The following AGAP1 variants were observed in gnomAD, a reference collection of about 807,000 sequenced individuals.
AGAP1 encodes arf-GAP with GTPase, ANK repeat and PH domain-containing protein 1.
Under a neutral mutation model 105.3 loss-of-function variants are expected in AGAP1, and 29 were observed. The ratio of observed to expected loss-of-function variants is 0.28; its 90% CI spans 0.21 to 0.38. The LOEUF (loss-of-function observed/expected upper bound fraction) is 0.38. Ranked by LOEUF, AGAP1 falls within the 10% of genes least tolerant of loss-of-function variation. The probability of loss-of-function intolerance (pLI) is 1.00; values close to 1 mark genes in which losing one functional copy is unlikely to be tolerated. For synonymous variants in AGAP1, 509 were observed against 485.9 expected, an observed-to-expected ratio of 1.05 and a Z score of -0.63; for missense variants, 998 against 1,165.1, an observed-to-expected ratio of 0.86 and a Z score of 2.09.
At chr2:235,814,644 C>T (rs1163391825) in intron 9 of AGAP1, among the ~76,000 whole-genome samples, 1 of 152,072 alleles carries the variant, frequency 6.6e-6, no homozygotes, top group African/African-American at 2.4e-5. Flanking sequence ...GGACGGGTGT[C>T]ACGCCAAGGA....
At position 235,800,579 on chromosome 2, in the gene AGAP1, G is replaced by A. The variant is rs115667191; in HGVS notation, c.957+1057G>A. On this transcript the variant is annotated intron_variant, in intron 8 of 17. Transcript: ENST00000304032. ...CAGGCACAGCTGCTGTCAGGTGACT[G>A]AAGCATTTGGACTTGAGAAGAACGC... Among the ~76,000 whole-genome samples, 1,515 of 152,314 alleles carry A rather than the reference G, an allele frequency of 9.9e-3. 27 individuals are homozygous for A. The highest frequency in any genetic ancestry group is 0.011 in the Non-Finnish European group (739 of 68,038).
In AGAP1 at chr2:235,957,227, A is replaced by G. The variant is rs1034866818; in HGVS notation, c.1484-11235A>G. On this transcript the variant is annotated intron_variant, in intron 12 of 17. Transcript: ENST00000304032. This position sits in a 1 kb window ranked among gnomAD's most constrained non-coding sequence, Gnocchi z 4.6. ...TTCAGTAATCAAGGTCCTCATCTCA[A>G]TGGAAGATCAAATTTCCTAAATTCC... Among the ~76,000 whole-genome samples, 3 of 152,208 alleles carry G rather than the reference A, an allele frequency of 2.0e-5. No homozygotes were observed. The highest frequency in any genetic ancestry group is 7.2e-5 in the African/African-American group (3 of 41,460).
chr2:235,857,936 C>T (rs2048757467), intron 9 of AGAP1, among the ~76,000 whole-genome samples: 1 of 152,136 alleles, frequency 6.6e-6, no homozygotes, highest in Admixed American at 6.5e-5. Flanking sequence ...GAGGCTTATA[C>T]CCAGGGCTGC....
At chr2:235,928,761 C>T (rs923878775) in intron 11 of AGAP1, among the ~76,000 whole-genome samples, 12 of 151,402 alleles carry the variant, frequency 7.9e-5, no homozygotes, top group Non-Finnish European at 1.3e-4. Context: ...GCACACAATA[C>T]CCAGAGGACA....
At chr2:235,542,042 C>T (rs1943459727) in intron 1 of AGAP1, among the ~76,000 whole-genome samples, 3 of 152,136 alleles carry the variant, frequency 2.0e-5, no homozygotes, top group Admixed American at 2.0e-4. Flanking sequence ...GGGTAAGGAC[C>T]TAAGTTGTGA....
chr2:235,590,572 A>G (rs1945291375), intron 1 of AGAP1, among the ~76,000 whole-genome samples: 1 of 151,732 alleles, frequency 6.6e-6, no homozygotes, highest in Non-Finnish European at 1.5e-5. Flanking sequence ...CTCCACCACA[A>G]CCTGCTTTTC....
chr2:235,952,810 T>TGCATCCCCTCCTTCAGC (rs1183795578), intron 12 of AGAP1, among the ~76,000 whole-genome samples: 1 of 146,714 alleles, frequency 6.8e-6, no homozygotes, highest in Non-Finnish European at 1.5e-5. Context: ...CCTGAGCAGT[T>TGCATCCCCTCCTTCAGC]GCATCCCCTC....
rs369038582 is a variant in AGAP1 at position 236,090,944 on chromosome 2, G to A, written c.2115-29248G>A. Among the ~76,000 whole-genome samples the A allele has an allele frequency of 1.8e-4, 27 of 152,294 alleles. No individual in the cohort carries two copies. In the South Asian group the frequency reaches 4.8e-3, roughly 27 times the overall value. On this transcript the variant is annotated intron_variant, in intron 16 of 17. Transcript: ENST00000304032. The surrounding 1 kb of genome is among the most constrained non-coding windows in gnomAD (Gnocchi z 4.3). ...AGTAGGGATGAGGTTTCACCATGTTGGCCAGGCTGGTGTCGACCTCCTGAC... is the reference window on the plus strand; with the variant it reads ...AGTAGGGATGAGGTTTCACCATGTTAGCCAGGCTGGTGTCGACCTCCTGAC...
rs988760866 is a variant in AGAP1, at chr2:235,930,984, G to C, written c.1483+61G>C. On this transcript the variant is annotated intron_variant, in intron 12 of 17. Transcript: ENST00000304032. This position sits in a 1 kb window ranked among gnomAD's most constrained non-coding sequence, Gnocchi z 7.9. ...CCTCAAGGTCCTTCGTTGTAAGCCA[G>C]GGGCTGGACAGGACGCCCTAAGCTC... 1.4e-5 allele frequency: 22 copies of C among 1,573,614 alleles called. No individual in the cohort carries two copies. Among genetic ancestry groups the C allele is most frequent in the Non-Finnish European group, 1.8e-5 (21 of 1,158,824 alleles).
At chr2:236,100,112 T>C (rs2059308525) in intron 16 of AGAP1, among the ~76,000 whole-genome samples, 1 of 149,946 alleles carries the variant, frequency 6.7e-6, no homozygotes, top group African/African-American at 2.5e-5. Context: ...GCACTGGGCC[T>C]TTGCAACCGT....
At chr2:235,730,881 TA>T (rs1320585591) in intron 3 of AGAP1, among the ~76,000 whole-genome samples, 3 of 152,152 alleles carry the variant, frequency 2.0e-5, no homozygotes, top group Non-Finnish European at 4.4e-5. Context: ...ATTATGTGAC[TA>T]TTTTTTTCTT....
At chr2:235,645,733 A>C (rs1198545822) in intron 1 of AGAP1, among the ~76,000 whole-genome samples, 1 of 152,162 alleles carries the variant, frequency 6.6e-6, no homozygotes, top group Admixed American at 6.5e-5. Context: ...GTCCAGGGGA[A>C]GGAGAAAACC....
intron 1 of AGAP1, among the ~76,000 whole-genome samples, chr2:235,627,215 T>G (rs1426020980): frequency 6.8e-6 from 1 of 146,130 alleles, no homozygotes; most frequent in African/African-American, 2.6e-5. Context: ...TTTTTTTTTT[T>G]TGATAGGGTC....
chr2:236,043,605 T>C (rs1181494631), intron 15 of AGAP1, among the ~76,000 whole-genome samples: 1 of 53,768 alleles, frequency 1.9e-5, no homozygotes, highest in Non-Finnish European at 5.1e-5. Context: ...CATATGCCTG[T>C]AATCCCGGCT....
Position 235,670,663 on chromosome 2 carries a change from G to C in AGAP1, c.164-38516G>C, listed in dbSNP as rs966950697. On this transcript the variant is annotated intron_variant, in intron 1 of 17. Transcript: ENST00000304032. ...GCCTGGCCTGGGCGCCGTGCGACGA[G>C]GCCGCGGCCGGGACCACCCTGGAGC... 4.6e-6 allele frequency: 3 copies of C among 653,376 alleles called. No individual in the cohort carries two copies. In the Admixed American group the frequency reaches 6.9e-5, roughly 15 times the overall value. 40.5% of individuals were successfully genotyped at this position (653,376 alleles called of 1,614,324 possible).
intron 1 of AGAP1, among the ~76,000 whole-genome samples, chr2:235,696,060 T>C (rs1389952713): frequency 6.6e-6 from 1 of 152,194 alleles, no homozygotes; most frequent in African/African-American, 2.4e-5. Context: ...TTACCATTTT[T>C]CTTGAGACGG....
rs1033907533 is a variant in AGAP1, at chr2:235,724,709, T to G, written c.310+7065T>G. 6.6e-6 allele frequency among the ~76,000 whole-genome samples: 1 copy of G among 152,126 alleles called. No individual in the cohort carries two copies. Among genetic ancestry groups the G allele is most frequent in the Non-Finnish European group, 1.5e-5 (1 of 68,020 alleles). On this transcript the variant is annotated intron_variant, in intron 3 of 17. Transcript: ENST00000304032. This position sits in a 1 kb window ranked among gnomAD's most constrained non-coding sequence, Gnocchi z 4.9. ...GAAAATACCAGGTGCTAAGAGTAAT[T>G]ATAACTACCAGGTAAGGACCAGTGA...
In AGAP1 at chr2:235,582,551, A is replaced by C. The variant is rs1293979224; in HGVS notation, c.163+87702A>C. 6.6e-6 allele frequency among the ~76,000 whole-genome samples: 1 copy of C among 152,134 alleles called. No homozygotes were observed. The highest frequency in any genetic ancestry group is 2.4e-5 in the African/African-American group (1 of 41,426). On this transcript the variant is annotated intron_variant, in intron 1 of 17. Coordinates refer to ENST00000304032, the MANE Select transcript of AGAP1 (RefSeq NM_001037131.3). The surrounding 1 kb of genome is among the most constrained non-coding windows in gnomAD (Gnocchi z 4.7). ...ATGTGTTGAGGTTTGGTGCCTTGAG[A>C]TTAAAGGGATGCCACATTTTGAGCT...
chr2:235,752,224 C>T lies in AGAP1; in HGVS notation c.673+1736C>T, dbSNP rs914735193. The stretch of plus-strand genomic sequence containing the variant: ...GACAGAGTCTAGCTCTTTGCCCAGG[C>T]TGGAGTGCAATGGCGTGATGGCAGC... On this transcript the variant is annotated intron_variant, in intron 6 of 17. Coordinates refer to ENST00000304032, the MANE Select transcript of AGAP1 (RefSeq NM_001037131.3). The surrounding 1 kb of genome is among the most constrained non-coding windows in gnomAD (Gnocchi z 4.3). Among the ~76,000 whole-genome samples the T allele has an allele frequency of 1.3e-5, 2 of 152,174 alleles. No individual in the cohort carries two copies. The highest frequency in any genetic ancestry group is 1.3e-4 in the Admixed American group (2 of 15,266).
Sources: gnomAD v4.1 joint callset for allele counts (sites outside exome capture counted in the v4.1 genomes callset) on GRCh38, gnomAD v4.1.1 for gene constraint, Gnocchi (gnomAD v3.1) non-coding constraint, MANE v1.5 for transcripts, NCBI Gene and HGNC (gene_info 2026-07-23, HGNC 2026-07-21) for gene names.